The following NKAIN2 variants were observed in gnomAD, a reference collection of about 807,000 sequenced individuals.
The protein encoded by NKAIN2 is sodium/potassium-transporting ATPase subunit beta-1-interacting protein 2.
A neutral mutation model predicts 32.6 loss-of-function variants in NKAIN2; 14 were observed. That is an observed-to-expected ratio of 0.43 (90% CI 0.28 to 0.67). The LOEUF (loss-of-function observed/expected upper bound fraction) is 0.67. NKAIN2 is among the 30% of genes least tolerant of loss of function. The pLI, the probability that NKAIN2 is intolerant of heterozygous loss-of-function variation, is 0.17. For synonymous variants in NKAIN2, 80 were observed against 87.2 expected, an observed-to-expected ratio of 0.92 and a Z score of 0.46; for missense variants, 198 against 258.3, an observed-to-expected ratio of 0.77 and a Z score of 1.60.
intron 1 of NKAIN2, among the ~76,000 whole-genome samples, chr6:123,944,383 A>C (rs1187431954): frequency 6.6e-6 from 1 of 152,042 alleles, no homozygotes; most frequent in Non-Finnish European, 1.5e-5. Context: ...AGGAAACCCT[A>C]ACCCAGCTTT....
At chr6:123,912,631 C>CCT (rs1274326740) in intron 1 of NKAIN2, among the ~76,000 whole-genome samples, 1 of 152,118 alleles carries the variant, frequency 6.6e-6, no homozygotes, top group Non-Finnish European at 1.5e-5. Flanking sequence ...GGCACCTCCT[C>CCT]CTCTCTCTCT....
At chr6:124,346,533 A>G (rs190716651) in intron 2 of NKAIN2, among the ~76,000 whole-genome samples, 2,274 of 152,250 alleles carry the variant, frequency 0.015, 33 homozygotes, top group Non-Finnish European at 0.023. Context: ...TTGGGTGCAT[A>G]TATATTTAGG....
chr6:123,920,079 G>A (rs999172435), intron 1 of NKAIN2, among the ~76,000 whole-genome samples: 27 of 151,958 alleles, frequency 1.8e-4, no homozygotes, highest in African/African-American at 5.8e-4. Flanking sequence ...TTTTTTTCAT[G>A]ACTTGGCTTT....
chr6:124,279,740 G>T (rs1582980043), intron 1 of NKAIN2, among the ~76,000 whole-genome samples: 1 of 151,808 alleles, frequency 6.6e-6, no homozygotes, highest in Middle Eastern at 3.4e-3. Flanking sequence ...CCCAAGTAGG[G>T]ATTTTACTAG....
At chr6:124,080,684 C>A (rs1361583043) in intron 1 of NKAIN2, among the ~76,000 whole-genome samples, 4 of 152,026 alleles carry the variant, frequency 2.6e-5, no homozygotes, top group Non-Finnish European at 4.4e-5. Context: ...TTATGGCCCT[C>A]CCTGATTGAA....
chr6:124,093,846 C>G (rs1190417698), intron 1 of NKAIN2, among the ~76,000 whole-genome samples: 1 of 152,098 alleles, frequency 6.6e-6, no homozygotes, highest in South Asian at 2.1e-4. Flanking sequence ...TGGAGCACAT[C>G]AAGAGGAAAG....
At chr6:124,000,409 A>T (rs1188863326) in intron 1 of NKAIN2, among the ~76,000 whole-genome samples, 1 of 152,048 alleles carries the variant, frequency 6.6e-6, no homozygotes, top group Non-Finnish European at 1.5e-5. Flanking sequence ...TTACTCAACT[A>T]TAAAAGAAGC....
intron 4 of NKAIN2, among the ~76,000 whole-genome samples, chr6:124,674,831 T>C (rs1773277727): frequency 6.6e-6 from 1 of 152,076 alleles, no homozygotes; most frequent in Non-Finnish European, 1.5e-5. Flanking sequence ...TTTTCTGATT[T>C]GGATACCTTT....
chr6:124,104,802 C>G (rs907666565), intron 1 of NKAIN2, among the ~76,000 whole-genome samples: 7 of 151,972 alleles, frequency 4.6e-5, no homozygotes, highest in Non-Finnish European at 2.9e-5. Flanking sequence ...TCTATAATAG[C>G]CACGGGAGGT....
At chr6:124,114,970 A>T (rs1785542570) in intron 1 of NKAIN2, among the ~76,000 whole-genome samples, 1 of 152,154 alleles carries the variant, frequency 6.6e-6, no homozygotes, top group South Asian at 2.1e-4. Context: ...GAGACAGGTC[A>T]GTTTGTTGGA....
intron 3 of NKAIN2, among the ~76,000 whole-genome samples, chr6:124,623,519 G>A (rs1783188754): frequency 6.6e-6 from 1 of 151,578 alleles, no homozygotes; most frequent in Non-Finnish European, 1.5e-5. Flanking sequence ...AGGGAAAGAT[G>A]ACCATTTGTA....
chr6:124,005,654 G>T (rs910617701), intron 1 of NKAIN2, among the ~76,000 whole-genome samples: 1 of 152,102 alleles, frequency 6.6e-6, no homozygotes, highest in Non-Finnish European at 1.5e-5. Context: ...TAAAGACACA[G>T]ATCTGTATGT....
chr6:124,132,681 C>T (rs553679999), intron 1 of NKAIN2, among the ~76,000 whole-genome samples: 1 of 152,334 alleles, frequency 6.6e-6, no homozygotes, highest in South Asian at 2.1e-4. Flanking sequence ...CTAGCTACAA[C>T]CAAAGATTCT....
chr6:124,639,591 G>A (rs1410295287), intron 3 of NKAIN2, among the ~76,000 whole-genome samples: 3 of 151,932 alleles, frequency 2.0e-5, no homozygotes, highest in African/African-American at 7.3e-5. Context: ...CCGAGATCAC[G>A]GCACTGCATT....
intron 3 of NKAIN2, among the ~76,000 whole-genome samples, chr6:124,527,021 G>A (rs923509120): frequency 4.6e-5 from 7 of 152,086 alleles, no homozygotes; most frequent in Admixed American, 4.6e-4. Context: ...TAACTACTAT[G>A]TTACCTAGAA....
intron 4 of NKAIN2, among the ~76,000 whole-genome samples, chr6:124,767,229 T>C (rs1214390109): frequency 6.6e-6 from 1 of 151,988 alleles, no homozygotes; most frequent in Non-Finnish European, 1.5e-5. Flanking sequence ...TGTTTCATCC[T>C]ATGCTTAAGT....
At chr6:124,345,141 A>G (rs1798340933) in intron 2 of NKAIN2, among the ~76,000 whole-genome samples, 1 of 151,594 alleles carries the variant, frequency 6.6e-6, no homozygotes. Flanking sequence ...ACATTTATTG[A>G]TTTGCGTGTA....
chr6:124,129,069 G>A (rs534909043), intron 1 of NKAIN2, among the ~76,000 whole-genome samples: 2 of 152,300 alleles, frequency 1.3e-5, no homozygotes, highest in African/African-American at 4.8e-5. Context: ...TTGCGACCCT[G>A]TACTCTGCCT....
chr6:124,290,055 C>CA lies in NKAIN2; in HGVS notation c.192+6922dup, dbSNP rs10681237. Reference sequence around the variant, plus strand: ...ATAAGCCTGGAAGGGAGGGAGAAAACAAAAAAAAACATCATTACAAGTTTA... The same window carrying CA: ...ATAAGCCTGGAAGGGAGGGAGAAAACAAAAAAAAAACATCATTACAAGTTTA... On this transcript the variant is annotated intron_variant, in intron 2 of 6. Transcript: ENST00000368417. 3.4e-3 allele frequency among the ~76,000 whole-genome samples: 510 copies of CA among 149,102 alleles called. 2 individuals carry two copies. Among genetic ancestry groups the CA allele is most frequent in the African/African-American group, 0.011 (441 of 40,118 alleles).
Sources: allele counts gnomAD v4.1 joint callset (sites outside exome capture counted in the v4.1 genomes callset), GRCh38; gene constraint gnomAD v4.1.1; transcripts MANE v1.5; gene names NCBI Gene and HGNC (gene_info 2026-07-23, HGNC 2026-07-21).